The following GAS2 variants were observed in gnomAD, a reference collection of about 807,000 sequenced individuals.
The protein encoded by GAS2 is growth arrest specific 2, also known as growth arrest-specific protein 2.
Under a neutral mutation model 37.5 loss-of-function variants are expected in GAS2, and 20 were observed. That is an observed-to-expected ratio of 0.53 (90% CI 0.37 to 0.77). GAS2 has a LOEUF of 0.77. GAS2 is among the 30% of genes least tolerant of loss of function. The probability of loss-of-function intolerance (pLI) is 0.00; values close to 1 mark genes in which losing one functional copy is unlikely to be tolerated. For synonymous variants in GAS2, 144 were observed against 132.2 expected, an observed-to-expected ratio of 1.09 and a Z score of -0.61; for missense variants, 336 against 373.4, an observed-to-expected ratio of 0.90 and a Z score of 0.82.
intron 3 of GAS2, among the ~76,000 whole-genome samples, chr11:22,692,673 A>T (rs1364647687): frequency 6.6e-6 from 1 of 152,196 alleles, no homozygotes; most frequent in African/African-American, 2.4e-5. Context: ...AATGGGAGGC[A>T]CATTTGTCCT....
intron 7 of GAS2, among the ~76,000 whole-genome samples, chr11:22,762,030 C>T (rs187032442): frequency 1.3e-5 from 2 of 152,222 alleles, no homozygotes; most frequent in East Asian, 3.9e-4. Flanking sequence ...TTTTATCCCC[C>T]AGAGCATCTT....
chr11:22,648,412 T>G (rs1447892588), intron 1 of GAS2, among the ~76,000 whole-genome samples: 6 of 152,340 alleles, frequency 3.9e-5, no homozygotes, highest in Admixed American at 3.9e-4. Flanking sequence ...TGCGGGCTCT[T>G]TTTTGGTTCC....
intron 7 of GAS2, among the ~76,000 whole-genome samples, chr11:22,775,015 T>G (rs1295191588): frequency 1.3e-5 from 2 of 151,798 alleles, no homozygotes; most frequent in Admixed American, 6.6e-5. Flanking sequence ...AAGTGCAGCC[T>G]TGAGAGTTGA....
rs182948070 is a variant in GAS2, at chr11:22,790,756, C to A, written c.724-21042C>A. ...GGGATTACAGGCGTGAGCCACCACA[C>A]CCAGCTTTCAGTATGTTTTCTTAGC... On this transcript the variant is annotated intron_variant, in intron 7 of 7. Coordinates refer to ENST00000454584, the MANE Select transcript of GAS2 (RefSeq NM_001143830.3). 1.1e-3 allele frequency among the ~76,000 whole-genome samples: 162 copies of A among 152,060 alleles called. 1 individual carries two copies. The highest frequency in any genetic ancestry group is 3.6e-3 in the African/African-American group (151 of 41,492).
At chr11:22,784,066 G>T (rs1855709125) in intron 7 of GAS2, among the ~76,000 whole-genome samples, 1 of 152,138 alleles carries the variant, frequency 6.6e-6, no homozygotes. Flanking sequence ...ATAGTTTGAA[G>T]TTGGGTAATA....
intron 6 of GAS2, among the ~76,000 whole-genome samples, chr11:22,750,527 G>A (rs1454153507): frequency 6.6e-6 from 1 of 151,988 alleles, no homozygotes; most frequent in Non-Finnish European, 1.5e-5. Context: ...AACTAAAGAA[G>A]AACAGGAAAG....
intron 3 of GAS2, among the ~76,000 whole-genome samples, chr11:22,723,522 A>G (rs1852043287): frequency 6.6e-6 from 1 of 151,968 alleles, no homozygotes; most frequent in Admixed American, 6.6e-5. Context: ...TTAGTGGATT[A>G]AGTGTCAAAT....
rs967939728 is a variant in GAS2, at chr11:22,813,001, A to T, written c.*985A>T. On this transcript the variant is annotated 3_prime_UTR_variant, in exon 8 of 8. Transcript: ENST00000454584. ...TAAAAGGATAAATTTTAAAAATGTT[A>T]TCTGTCTCTAAATCAATGCCTCATT... The T allele has an allele frequency of 6.6e-6, 1 of 152,592 alleles. No homozygotes were observed. Among genetic ancestry groups the T allele is most frequent in the African/African-American group, 2.4e-5 (1 of 41,448 alleles). The allele number at this position is 152,592 out of a possible 1,614,324, so 9.5% of individuals were successfully genotyped here.
chr11:22,631,117 T>C (rs1309017749), intron 1 of GAS2, among the ~76,000 whole-genome samples: 1 of 152,152 alleles, frequency 6.6e-6, no homozygotes, highest in Non-Finnish European at 1.5e-5. Context: ...GTAAAAGGGA[T>C]TGAGTTCTTG....
chr11:22,689,301 C>T (rs976523470), intron 3 of GAS2, among the ~76,000 whole-genome samples: 2 of 152,050 alleles, frequency 1.3e-5, no homozygotes, highest in Non-Finnish European at 2.9e-5. Context: ...AAAAAAATAC[C>T]GATTATGACC....
At chr11:22,786,344 G>A (rs910500798) in intron 7 of GAS2, among the ~76,000 whole-genome samples, 3 of 152,122 alleles carry the variant, frequency 2.0e-5, no homozygotes, top group African/African-American at 7.2e-5. Context: ...AGAATGTCTT[G>A]AAGTGGGTTT....
chr11:22,793,952 G>GCTAC (rs1203959756), intron 7 of GAS2, among the ~76,000 whole-genome samples: 4 of 152,072 alleles, frequency 2.6e-5, no homozygotes, highest in African/African-American at 9.7e-5. Flanking sequence ...TCCATTATCT[G>GCTAC]CTACTCCTGA....
chr11:22,628,350 A>G (rs1467830095), intron 1 of GAS2, among the ~76,000 whole-genome samples: 1 of 152,202 alleles, frequency 6.6e-6, no homozygotes, highest in East Asian at 1.9e-4. Context: ...GTGTTTGAAC[A>G]ATCATGGGAC....
intron 7 of GAS2, among the ~76,000 whole-genome samples, chr11:22,795,562 G>A (rs1259946989): frequency 6.6e-6 from 1 of 152,146 alleles, no homozygotes; most frequent in African/African-American, 2.4e-5. Flanking sequence ...ACCAAGTGAA[G>A]AATATCTAGA....
intron 5 of GAS2, among the ~76,000 whole-genome samples, chr11:22,740,809 C>T (rs1274615652): frequency 6.6e-6 from 1 of 151,942 alleles, no homozygotes; most frequent in Non-Finnish European, 1.5e-5. Flanking sequence ...TCTCACAGAC[C>T]CATAGAGGAT....
At chr11:22,640,546 C>G (rs575000289) in intron 1 of GAS2, among the ~76,000 whole-genome samples, 2 of 152,072 alleles carry the variant, frequency 1.3e-5, no homozygotes, top group Admixed American at 6.6e-5. Flanking sequence ...GATTCTCAAG[C>G]ATATAAAGAG....
chr11:22,706,740 G>T (rs1193763871), intron 3 of GAS2, among the ~76,000 whole-genome samples: 1 of 152,056 alleles, frequency 6.6e-6, no homozygotes, highest in Admixed American at 6.6e-5. Context: ...ATCACTGTTG[G>T]ACATTTGGGT....
intron 7 of GAS2, among the ~76,000 whole-genome samples, chr11:22,807,206 A>G (rs1212127039): frequency 6.6e-6 from 1 of 152,216 alleles, no homozygotes; most frequent in Non-Finnish European, 1.5e-5. Context: ...AGCACTGACT[A>G]GGTCCATAGA....
chr11:22,737,853 A>G, intron 5 of GAS2, 85 bp downstream of exon 5: 1 of 1,210,360 alleles, frequency 8.3e-7, no homozygotes, highest in South Asian at 1.2e-5. Flanking sequence ...TTTCATTGCT[A>G]ATGTTTAACC....
Sources: allele counts gnomAD v4.1 joint callset (sites outside exome capture counted in the v4.1 genomes callset), GRCh38; gene constraint gnomAD v4.1.1; transcripts MANE v1.5; gene names NCBI Gene and HGNC (gene_info 2026-07-23, HGNC 2026-07-21).